The following USP24 variants were observed in gnomAD, a reference collection of about 807,000 sequenced individuals.
USP24 encodes the protein ubiquitin specific peptidase 24.
USP24 carries 97 observed loss-of-function variants against 361.6 expected under a neutral mutation model. The ratio of observed to expected loss-of-function variants is 0.27; its 90% confidence interval spans 0.23 to 0.32. The LOEUF (loss-of-function observed/expected upper bound fraction) is 0.32. Ranked by LOEUF, USP24 falls within the 10% of genes least tolerant of loss-of-function variation. The probability of loss-of-function intolerance (pLI) is 1.00; values close to 1 mark genes in which losing one functional copy is unlikely to be tolerated. For missense variants in USP24, 2,353 were observed against 3,165.6 expected (o/e 0.74, Z 6.16); for synonymous variants, 1,098 against 1,124.6 (o/e 0.98, Z 0.47).
chr1:55,146,786 C>A, intron 19 of USP24, 143 bp downstream of exon 19: 1 of 872,856 alleles, frequency 1.1e-6, no homozygotes, highest in South Asian at 2.2e-5. Flanking sequence ...TTATATAAAA[C>A]ATTTTTTCAG....
Position 55,089,706 on chromosome 1 carries a change from C to T in USP24, c.6589G>A (p.Ala2197Thr). The T allele has an allele frequency of 6.2e-7, 1 of 1,603,530 alleles. No individual in the cohort carries two copies. The highest frequency in any genetic ancestry group is 8.5e-7 in the Non-Finnish European group (1 of 1,174,326). ...GCATCAAAACTTTTTGAAAGCAATGCTTCAATGGTAGCAATCCATTCTTCA... is the reference window on the plus strand; with the variant it reads ...GCATCAAAACTTTTTGAAAGCAATGTTTCAATGGTAGCAATCCATTCTTCA... ...DTEEWIATIE[A>T]LLSKSFDACQ... The change falls in exon 55 of 68, where the codon GCA (alanine) becomes ACA (threonine). Residue 2197 changes from alanine (A) to threonine (T), a missense_variant. Physicochemically the swap from Ala to Thr is moderately conservative, Grantham distance 58. Transcript: ENST00000294383.
intron 59 of USP24, among the ~76,000 whole-genome samples, chr1:55,081,020 T>C (rs1185005482): frequency 2.0e-5 from 3 of 152,118 alleles, no homozygotes; most frequent in South Asian, 4.1e-4. Flanking sequence ...TTCCACACAG[T>C]AGTGGTTCAA....
intron 63 of USP24, 67 bp from the exon 64 acceptor site, chr1:55,073,973 A>T: frequency 7.6e-7 from 1 of 1,309,348 alleles, no homozygotes; most frequent in Non-Finnish European, 1.1e-6. Flanking sequence ...AAGTGACAAC[A>T]AGCTCTCTTG....
chr1:55,150,971 T>G (rs980410926), intron 16 of USP24, among the ~76,000 whole-genome samples: 2 of 152,210 alleles, frequency 1.3e-5, no homozygotes, highest in Non-Finnish European at 2.9e-5. Flanking sequence ...TGCAAACCTA[T>G]GCCTAAATTC....
intron 31 of USP24, among the ~76,000 whole-genome samples, chr1:55,129,801 G>A (rs924413159): frequency 3.9e-5 from 6 of 152,124 alleles, no homozygotes; most frequent in Admixed American, 3.9e-4. Context: ...AAGCTGGTGT[G>A]TTCTTTTCAT....
intron 40 of USP24, 45 bp downstream of exon 40, chr1:55,107,194 G>A (rs594226): frequency 0.75 from 1,179,111 of 1,572,172 alleles, 450,858 homozygotes; most frequent in East Asian, 0.9. Context: ...GGCAATAACC[G>A]AGCACTGAAG....
chr1:55,127,937 G>C (rs1193257387), intron 32 of USP24, among the ~76,000 whole-genome samples: 1 of 152,090 alleles, frequency 6.6e-6, no homozygotes, highest in African/African-American at 2.4e-5. Context: ...AGCTCTGACA[G>C]CTGGATTATG....
chr1:55,163,213 T>G (rs568692711), intron 7 of USP24, among the ~76,000 whole-genome samples: 9 of 151,946 alleles, frequency 5.9e-5, no homozygotes, highest in Non-Finnish European at 1.0e-4. Context: ...TTTTATAAAC[T>G]TGAGGTGGGA....
At chr1:55,135,382 C>CAG (rs749113483) in intron 28 of USP24, among the ~76,000 whole-genome samples, 65 of 152,274 alleles carry the variant, frequency 4.3e-4, no homozygotes, top group Non-Finnish European at 9.0e-4. Context: ...AAATCGGAAA[C>CAG]TTTCTGAGTG....
intron 12 of USP24, 86 bp downstream of exon 12, chr1:55,156,862 C>T (rs1168021028): frequency 3.5e-5 from 32 of 916,118 alleles, no homozygotes; most frequent in East Asian, 2.7e-4. Context: ...ATAAAGTTTC[C>T]GTTTTCCTGC....
At chr1:55,182,212 C>T (rs917396556) in intron 1 of USP24, among the ~76,000 whole-genome samples, 11 of 152,068 alleles carry the variant, frequency 7.2e-5, no homozygotes, top group Non-Finnish European at 1.0e-4. Flanking sequence ...CCACCACGCC[C>T]GGCTAATTTT....
At position 55,214,985 on chromosome 1, in the gene USP24, G is replaced by A. The variant is rs1644952980; in HGVS notation, c.129C>T (p.Asn43=). 2.1e-6 allele frequency: 3 copies of A among 1,449,278 alleles called. No individual in the cohort carries two copies. Among genetic ancestry groups the A allele is most frequent in the South Asian group, 2.6e-5 (2 of 76,070 alleles). The allele number at this position is 1,449,278 out of a possible 1,614,324, so 89.8% of individuals were successfully genotyped here. A position where few individuals can be genotyped will look rare whatever the true frequency, so the allele number is the denominator to read the frequency against. ...DINEAVALLT[N]ERPGLDYGGY... ...CGCCGTAGTCGAGGCCCGGCCGCTC[G>A]TTGGTGAGCAGTGCCACGGCCTCGT... Residue 43 remains asparagine, a synonymous_variant, in exon 1 of 68, where the codon AAC becomes AAT. Coordinates refer to ENST00000294383, the MANE Select transcript of USP24 (RefSeq NM_015306.3).
Position 55,200,751 on chromosome 1 carries a change from C to T in USP24, c.324+14039G>A, listed in dbSNP as rs555552778. Among the ~76,000 whole-genome samples, 3 of 152,292 alleles carry T rather than the reference C, an allele frequency of 2.0e-5. No individual in the cohort carries two copies. The South Asian group carries it at 6.2e-4, about 32-fold the overall frequency. On this transcript the variant is annotated intron_variant, in intron 1 of 67. Coordinates refer to ENST00000294383, the MANE Select transcript of USP24 (RefSeq NM_015306.3). ...TTCTCTCTTTCCTCTCCAGAAATGA[C>T]ATCCTCTGCAAATCTTCTCCTTACT...
chr1:55,087,991 C>T (rs1010984606), intron 55 of USP24, among the ~76,000 whole-genome samples: 4 of 152,202 alleles, frequency 2.6e-5, no homozygotes, highest in Admixed American at 6.5e-5. Flanking sequence ...TGGCTAAAGC[C>T]TGACAAGCAG....
Position 55,097,010 on chromosome 1 carries a change from T to C in USP24, c.5878A>G (p.Ile1960Val), listed in dbSNP as rs374885463. Residue 1960 changes from isoleucine to valine, a missense_variant, in exon 49 of 68, where the codon ATC (isoleucine) becomes GTC (valine). Ile to Val is a conservative substitution (Grantham distance 29, BLOSUM62 3). Around this residue, in one of 8 missense-constraint regions of USP24, gnomAD observed 598 missense variants for 761.9 expected, o/e 0.78. Transcript: ENST00000294383. The stretch of plus-strand genomic sequence containing the variant: ...GCGTGTGCCTGCCCACTGTGTACGA[T>C]GACACCGACAAGTTCATAGTTTTCT... ...LTENYELVGV[I>V]VHSGQAHAGH... is the part of the protein sequence containing the mutation. 1 of 1,613,920 alleles carries C rather than the reference T, an allele frequency of 6.2e-7. No individual in the cohort carries two copies.
At position 55,098,070 on chromosome 1, in the gene USP24, T is replaced by G; in HGVS notation, c.5468A>C (p.Glu1823Ala). 1 of 1,606,118 alleles carries G rather than the reference T, an allele frequency of 6.2e-7. No homozygotes were observed. Among genetic ancestry groups the G allele is most frequent in the Non-Finnish European group, 8.5e-7 (1 of 1,177,622 alleles). ...KDCPHRYERE[E>A]AFMALNLGVT... ...TCCTAGATTGAGAGCCATGAAAGCT[T>G]CTTCACGCTCATATCTGATTAGGAA... Residue 1823 changes from glutamate (E) to alanine (A), a missense_variant, in exon 47 of 68, where the codon GAA becomes GCA. By Grantham distance (107) the Glu-to-Ala change is moderately radical. This residue lies in a region of USP24 where 105 missense variants were observed against 200.3 expected (regional missense o/e 0.52). Coordinates refer to ENST00000294383, the MANE Select transcript of USP24 (RefSeq NM_015306.3).
In USP24 at chr1:55,141,574, TG is replaced by T. The variant is rs1158928739; in HGVS notation, c.2750+41del. 8.0e-6 allele frequency: 12 copies of T among 1,502,590 alleles called. No homozygotes were observed. The South Asian group carries it at 1.4e-4, about 18-fold the overall frequency. 93.1% of individuals were successfully genotyped at this position (1,502,590 alleles called of 1,614,324 possible). A position where few individuals can be genotyped will look rare whatever the true frequency, so the allele number is the denominator to read the frequency against. On this transcript the variant is annotated intron_variant, in intron 24 of 67. Coordinates refer to ENST00000294383, the MANE Select transcript of USP24 (RefSeq NM_015306.3). ...AAAAACACCAATCATTTTAAAAAAC[TG>T]ACATATGTGTGTTGTGTATTTTTCA...
At chr1:55,111,497 T>G (rs1645952299) in intron 38 of USP24, among the ~76,000 whole-genome samples, 1 of 152,088 alleles carries the variant, frequency 6.6e-6, no homozygotes, top group Non-Finnish European at 1.5e-5. Flanking sequence ...GAAGAATCAT[T>G]GGTCTTTCAA....
chr1:55,205,458 A>T (rs898631182), intron 1 of USP24, among the ~76,000 whole-genome samples: 1 of 152,208 alleles, frequency 6.6e-6, no homozygotes, highest in African/African-American at 2.4e-5. Flanking sequence ...GCATCTTCTG[A>T]GCCAGTTTTC....
Sources: gnomAD v4.1 joint callset for allele counts (sites outside exome capture counted in the v4.1 genomes callset) on GRCh38, gnomAD v4.1.1 for gene constraint, gnomAD v4.1.1 regional missense constraint, MANE v1.5 for transcripts, NCBI Gene and HGNC (gene_info 2026-07-23, HGNC 2026-07-21) for gene names.